Variants in DNAAF3 observed in about 807,000 individuals in gnomAD.
DNAAF3 encodes dynein axonemal assembly factor 3.
A neutral mutation model predicts 50.9 loss-of-function variants in DNAAF3; 40 were observed. That is an observed-to-expected ratio of 0.79 (90% CI 0.61 to 1.02). The LOEUF (loss-of-function observed/expected upper bound fraction) is 1.02, where lower values mean the gene tolerates loss of function less well. DNAAF3 is among the 50% of genes least tolerant of loss of function. The pLI is 0.00. For missense variants in DNAAF3, 763 were observed against 744.7 expected, an observed-to-expected ratio of 1.02 and a Z score of -0.29; for synonymous variants, 327 against 322.8, an observed-to-expected ratio of 1.01 and a Z score of -0.14.
In DNAAF3 at chr19:55,162,116, A is replaced by C; in HGVS notation, c.480+17T>G. ...CCCGCGGCCACCCGATCCCAGATGG[A>C]GGCCGGGCGGCGGCACCTTGAGGGC... On this transcript the variant is annotated intron_variant, in intron 5 of 11. Coordinates refer to ENST00000524407, the MANE Select transcript of DNAAF3 (RefSeq NM_001256715.2). 1 of 1,244,356 alleles carries C rather than the reference A, an allele frequency of 8.0e-7. No individual in the cohort carries two copies. Among genetic ancestry groups the C allele is most frequent in the Non-Finnish European group, 1.0e-6 (1 of 990,184 alleles). The allele number at this position is 1,244,356 out of a possible 1,614,324, so 77.1% of individuals were successfully genotyped here. A position where few individuals can be genotyped will look rare whatever the true frequency, so the allele number is the denominator to read the frequency against.
chr19:55,162,283 G>A lies in DNAAF3; in HGVS notation c.330C>T (p.Ser110=). ...TCCCCCACACTTCCAGGAAGGTCTC[G>A]CTTCGCTCTACGGAGAGAGGGAGAT... is the stretch of plus-strand genomic sequence containing the variant. The part of the protein sequence containing the change: ...EPEKMGLQER[S]ETFLEVWGNA... The change falls in exon 5 of 12, where the codon AGC becomes AGT. Residue 110 remains serine (S), a synonymous_variant. Transcript: ENST00000524407. 1 of 1,250,676 alleles carries A rather than the reference G, an allele frequency of 8.0e-7. No homozygotes were observed. Among genetic ancestry groups the A allele is most frequent in the Admixed American group, 4.1e-5 (1 of 24,110 alleles). 77.5% of individuals were successfully genotyped at this position (1,250,676 alleles called of 1,614,324 possible).
At chr19:55,163,240 C>T (rs2085874715) in intron 4 of DNAAF3, among the ~76,000 whole-genome samples, 2 of 151,150 alleles carry the variant, frequency 1.3e-5, no homozygotes, top group South Asian at 4.2e-4. Context: ...GATCTCCTGA[C>T]CTCGTGATCC....
rs186531620 is a variant in DNAAF3 at position 55,164,213 on chromosome 19, G to C, written c.322+1157C>G. 1.8e-3 allele frequency among the ~76,000 whole-genome samples: 279 copies of C among 152,130 alleles called. 1 individual carries two copies. The highest frequency in any genetic ancestry group is 6.5e-3 in the African/African-American group (268 of 41,494). ...TCTTTTCTTGGGGCCGGGTGTGATC[G>C]CACCCGCCTGTAAACCTAGCACTTT... On this transcript the variant is annotated intron_variant, in intron 4 of 11. Coordinates refer to ENST00000524407, the MANE Select transcript of DNAAF3 (RefSeq NM_001256715.2).
chr19:55,161,252 C>T lies in DNAAF3; in HGVS notation c.789+41G>A, dbSNP rs753820856. ...TTGGGGCCCCTGACTCCTAGGACTC[C>T]GAGCAGCAGCAGTGGGCCAGGACAG... On this transcript the variant is annotated intron_variant, in intron 7 of 11. Coordinates refer to ENST00000524407, the MANE Select transcript of DNAAF3 (RefSeq NM_001256715.2). The surrounding 1 kb of genome is among the most constrained non-coding windows in gnomAD (Gnocchi z 6.4). 6.9e-6 allele frequency: 11 copies of T among 1,596,982 alleles called. No homozygotes were observed. Among genetic ancestry groups the T allele is most frequent in the Middle Eastern group, 1.7e-4 (1 of 5,916 alleles).
intron 4 of DNAAF3, among the ~76,000 whole-genome samples, chr19:55,163,333 TA>T (rs1205889061): frequency 1.2e-4 from 14 of 120,382 alleles, no homozygotes; most frequent in South Asian, 5.1e-4. Flanking sequence ...TTTTTTTTTG[TA>T]TTTTTAGTAG....
In DNAAF3 at chr19:55,165,997, G is replaced by A; in HGVS notation, c.89C>T (p.Pro30Leu). ...SPALDLQAES[P>L]PVDPDSQADT... ...GGCCTGGGAGTCTGGGTCCACAGGA[G>A]GACCTGGCAAGATGACAGCTGGCTG... The change falls in exon 3 of 12, where the codon CCT (proline) becomes CTT (leucine). Residue 30 changes from proline (P) to leucine (L), a missense_variant. Transcript: ENST00000524407. The A allele has an allele frequency of 3.7e-6, 6 of 1,614,250 alleles. No homozygotes were observed. Among genetic ancestry groups the A allele is most frequent in the Non-Finnish European group, 5.1e-6 (6 of 1,180,042 alleles).
intron 4 of DNAAF3, among the ~76,000 whole-genome samples, chr19:55,164,672 C>A (rs1474190998): frequency 6.6e-6 from 1 of 151,764 alleles, no homozygotes; most frequent in Non-Finnish European, 1.5e-5. Flanking sequence ...CTACAGGCGC[C>A]TGCCACCACA....
Position 55,166,280 on chromosome 19 carries a change from C to A in DNAAF3, c.85+49G>T. The A allele has an allele frequency of 6.3e-7, 1 of 1,598,572 alleles. No homozygotes were observed. The highest frequency in any genetic ancestry group is 1.1e-5 in the South Asian group (1 of 89,868). ...TACGAGCTCTAAAAGGCCGTCTGCT[C>A]AGGCTGGGAAGGCAGACGGTGTATC... On this transcript the variant is annotated intron_variant, in intron 2 of 11. Transcript: ENST00000524407. This position sits in a 1 kb window ranked among gnomAD's most constrained non-coding sequence, Gnocchi z 4.0.
intron 10 of DNAAF3, 143 bp downstream of exon 10, chr19:55,159,756 G>C (rs933337929): frequency 1.4e-6 from 2 of 1,425,236 alleles, no homozygotes; most frequent in Middle Eastern, 2.1e-4. Context: ...CTGGACTCCT[G>C]GGTCTGAGGG....
rs1312456856 is a variant in DNAAF3 at position 55,162,587 on chromosome 19, A to AAAAT, written c.323-301_323-298dup. 6 of 975,294 alleles carry AAAAT rather than the reference A, an allele frequency of 6.2e-6. No homozygotes were observed. The African/African-American group carries it at 6.9e-5, about 11-fold the overall frequency. 60.4% of individuals were successfully genotyped at this position (975,294 alleles called of 1,614,324 possible). ...GGCAACAGAGTGAGACTCCGCCTCTAAAATAAATAAATAAATAACCACCTA... is the reference window on the plus strand; with the variant it reads ...GGCAACAGAGTGAGACTCCGCCTCTAAAATAAATAAATAAATAAATAACCACCTA... On this transcript the variant is annotated intron_variant, in intron 4 of 11. Coordinates refer to ENST00000524407, the MANE Select transcript of DNAAF3 (RefSeq NM_001256715.2).
At position 55,159,335 on chromosome 19, in the gene DNAAF3, G is replaced by A. The variant is rs201887376; in HGVS notation, c.1353C>T (p.Phe451=). The A allele has an allele frequency of 5.9e-5, 95 of 1,614,160 alleles. No homozygotes were observed. Among genetic ancestry groups the A allele is most frequent in the African/African-American group, 2.1e-4 (16 of 75,054 alleles). Residue 451 remains phenylalanine (F), a synonymous_variant, in exon 12 of 12, where the codon TTC becomes TTT. Transcript: ENST00000524407. The part of the protein sequence containing the change: ...PQTGARPSET[F]ARFCKSQESA... ...ATTCCTGGGACTTGCAGAAACGTGC[G>A]AAGGTCTCTGAAGGCCTGGCCCCGG...
intron 5 of DNAAF3, 71 bp downstream of exon 5, chr19:55,162,062 C>T: frequency 7.5e-7 from 1 of 1,324,606 alleles, no homozygotes; most frequent in Non-Finnish European, 9.6e-7. Flanking sequence ...CATCAACGCA[C>T]GTCCTTTGGA....
intron 4 of DNAAF3, among the ~76,000 whole-genome samples, chr19:55,164,774 C>T (rs1236221133): frequency 6.6e-6 from 1 of 152,052 alleles, no homozygotes; most frequent in Non-Finnish European, 1.5e-5. Flanking sequence ...CTGCCCACCT[C>T]AGCCTCCCAA....
In DNAAF3 at chr19:55,161,349, A is replaced by C; in HGVS notation, c.733T>G (p.Ser245Ala). The change falls in exon 7 of 12, where the codon TCC (serine) becomes GCC (alanine). Residue 245 changes from serine to alanine, a missense_variant. Coordinates refer to ENST00000524407, the MANE Select transcript of DNAAF3 (RefSeq NM_001256715.2). This position sits in a 1 kb window ranked among gnomAD's most constrained non-coding sequence, Gnocchi z 6.4. ...CGGTTGGGCACATGATAGGCGCTGG[A>C]GTCCCTGAGTTCAAAGGCGACGCCT... ...DTGVAFELRD[S>A]SAYHVPNRTL... 1.2e-6 allele frequency: 2 copies of C among 1,604,696 alleles called. No homozygotes were observed. The highest frequency in any genetic ancestry group is 1.7e-6 in the Non-Finnish European group (2 of 1,176,130).
Position 55,163,312 on chromosome 19 carries a change from A to ATTTTTTTT in DNAAF3, c.323-1030_323-1023dup, listed in dbSNP as rs34371299. Reference sequence around the variant, plus strand: ...CGTGAGCCATCGCGCCCGGCGGCTAATTTTTTTTTTTTTTTTTTTGTATTT... The same window carrying ATTTTTTTT: ...CGTGAGCCATCGCGCCCGGCGGCTAATTTTTTTTTTTTTTTTTTTTTTTTTTTGTATTT... On this transcript the variant is annotated intron_variant, in intron 4 of 11. Transcript: ENST00000524407. Among the ~76,000 whole-genome samples the ATTTTTTTT allele has an allele frequency of 5.7e-3, 493 of 87,200 alleles. 37 individuals carry two copies. Among genetic ancestry groups the ATTTTTTTT allele is most frequent in the African/African-American group, 0.014 (317 of 22,036 alleles). 57.2% of individuals were successfully genotyped at this position (87,200 alleles called of 152,430 possible).
intron 4 of DNAAF3, 36 bp downstream of exon 4, chr19:55,165,334 A>G (rs1244603495): frequency 6.3e-7 from 1 of 1,585,400 alleles, no homozygotes; most frequent in South Asian, 1.1e-5. Context: ...GGGGGAGGAG[A>G]CCAGCGGTCA....
chr19:55,158,923 G>C lies in DNAAF3; in HGVS notation c.*139C>G, dbSNP rs1187071480. Reference sequence around the variant, plus strand: ...TTTGAAAGTCTACCAACACTCCCGGGGTGGGGGTGGCGGGTACTGAGTGGG... The same window carrying C: ...TTTGAAAGTCTACCAACACTCCCGGCGTGGGGGTGGCGGGTACTGAGTGGG... On this transcript the variant is annotated 3_prime_UTR_variant, in exon 12 of 12. Transcript: ENST00000524407. The C allele has an allele frequency of 3.4e-6, 3 of 876,206 alleles. No homozygotes were observed. In the African/African-American group the frequency reaches 5.0e-5, roughly 15 times the overall value. 54.3% of individuals were successfully genotyped at this position (876,206 alleles called of 1,614,324 possible).
At chr19:55,163,348 C>T (rs1455311115) in intron 4 of DNAAF3, among the ~76,000 whole-genome samples, 6 of 118,172 alleles carry the variant, frequency 5.1e-5, no homozygotes, top group African/African-American at 2.1e-4. Context: ...TTAGTAGAGA[C>T]GGGGTTTCAC....
At chr19:55,159,488 G>T in intron 11 of DNAAF3, 39 bp from the exon 12 acceptor site, 1 of 1,604,316 alleles carries the variant, frequency 6.2e-7, no homozygotes, top group Non-Finnish European at 8.5e-7. Context: ...CCCAGATTTT[G>T]ATCCCCAGCC....
Sources: gnomAD v4.1 joint callset for allele counts (sites outside exome capture counted in the v4.1 genomes callset) on GRCh38, gnomAD v4.1.1 for gene constraint, Gnocchi (gnomAD v3.1) non-coding constraint, MANE v1.5 for transcripts, NCBI Gene and HGNC (gene_info 2026-07-23, HGNC 2026-07-21) for gene names.